Variants in CSNK1G3 observed in about 807,000 individuals in gnomAD.
CSNK1G3 encodes casein kinase 1 gamma 3.
CSNK1G3 carries 23 observed loss-of-function variants against 64.3 expected under a neutral mutation model. That is an observed-to-expected ratio of 0.36 (90% CI 0.26 to 0.51). The LOEUF (loss-of-function observed/expected upper bound fraction) is 0.51, where lower values mean the gene tolerates loss of function less well. Among genes scored for constraint, CSNK1G3 ranks in the 20% least tolerant of loss-of-function variants. The probability of loss-of-function intolerance (pLI) is 0.96; values close to 1 mark genes in which losing one functional copy is unlikely to be tolerated. For synonymous variants in CSNK1G3, 158 were observed against 162.2 expected, an observed-to-expected ratio of 0.97 and a Z score of 0.20; for missense variants, 357 against 510.5, an observed-to-expected ratio of 0.70 and a Z score of 2.90.
At position 123,548,459 on chromosome 5, in the gene CSNK1G3, C is replaced by CAAA. The variant is rs58778870; in HGVS notation, c.178+2635_178+2637dup. Among the ~76,000 whole-genome samples the CAAA allele has an allele frequency of 3.7e-3, 292 of 79,220 alleles. 6 individuals carry two copies. The highest frequency in any genetic ancestry group is 0.013 in the African/African-American group (281 of 21,872). The allele number at this position is 79,220 out of a possible 152,430, so 52.0% of individuals were successfully genotyped here. ...TGGGTGACAGAGTAAGACTCTGTCT[C>CAAA]AAAAAAAAAAAAAAAAAAAGGCCAT... On this transcript the variant is annotated intron_variant, in intron 2 of 12. Transcript: ENST00000345990.
At chr5:123,583,956 G>A (rs1382462422) in intron 6 of CSNK1G3, among the ~76,000 whole-genome samples, 2 of 152,040 alleles carry the variant, frequency 1.3e-5, no homozygotes. Flanking sequence ...CCTCCCAAAA[G>A]TGCTGAGATT....
At chr5:123,573,040 G>A (rs758463665) in intron 4 of CSNK1G3, among the ~76,000 whole-genome samples, 1 of 152,188 alleles carries the variant, frequency 6.6e-6, no homozygotes, top group Non-Finnish European at 1.5e-5. Context: ...TCTCTTTTCA[G>A]TAGAACTGGA....
At chr5:123,546,316 G>A (rs1371545471) in intron 2 of CSNK1G3, among the ~76,000 whole-genome samples, 1 of 152,016 alleles carries the variant, frequency 6.6e-6, no homozygotes, top group African/African-American at 2.4e-5. Context: ...TCTGCCCCAA[G>A]TATGTTTGGG....
chr5:123,579,291 G>T (rs1263133750), intron 6 of CSNK1G3, among the ~76,000 whole-genome samples: 1 of 142,182 alleles, frequency 7.0e-6, no homozygotes, highest in African/African-American at 2.6e-5. Flanking sequence ...TAAATTTGCT[G>T]TTTTTTTTTT....
At chr5:123,571,656 A>G (rs1788135381) in intron 4 of CSNK1G3, among the ~76,000 whole-genome samples, 1 of 152,194 alleles carries the variant, frequency 6.6e-6, no homozygotes, top group African/African-American at 2.4e-5. Flanking sequence ...CTGTCCTGCA[A>G]TGATTTATAT....
At chr5:123,545,239 G>GT (rs1782332564) in intron 1 of CSNK1G3, among the ~76,000 whole-genome samples, 178 bp from the exon 2 acceptor site, 1 of 151,948 alleles carries the variant, frequency 6.6e-6, no homozygotes, top group East Asian at 1.9e-4. Flanking sequence ...TCGTATCTTT[G>GT]TTATTAAGGT....
intron 1 of CSNK1G3, among the ~76,000 whole-genome samples, chr5:123,520,682 A>G (rs1777945414): frequency 6.6e-6 from 1 of 152,006 alleles, no homozygotes; most frequent in Admixed American, 6.5e-5. Context: ...AATTGGCCAT[A>G]TAATATCTTT....
chr5:123,538,674 TACCTGTGTAACAA>T (rs1212684128), intron 1 of CSNK1G3, among the ~76,000 whole-genome samples: 1 of 152,228 alleles, frequency 6.6e-6, no homozygotes, highest in African/African-American at 2.4e-5. Flanking sequence ...GGCGCATGTA[TACCTGTGTAACAA>T]ACCTGCACGT....
At chr5:123,607,247 A>T (rs1795515774) in intron 12 of CSNK1G3, among the ~76,000 whole-genome samples, 2 of 152,112 alleles carry the variant, frequency 1.3e-5, no homozygotes, top group Admixed American at 1.3e-4. Flanking sequence ...TTCCATTCTG[A>T]ACTTTATATA....
At chr5:123,600,234 T>C (rs973798734) in intron 10 of CSNK1G3, among the ~76,000 whole-genome samples, 1 of 152,176 alleles carries the variant, frequency 6.6e-6, no homozygotes, top group African/African-American at 2.4e-5. Context: ...TTCTAATACA[T>C]TATTAGATGA....
At chr5:123,519,879 G>C (rs976616999) in intron 1 of CSNK1G3, among the ~76,000 whole-genome samples, 1 of 152,154 alleles carries the variant, frequency 6.6e-6, no homozygotes, top group Non-Finnish European at 1.5e-5. Flanking sequence ...GAATTAGGAG[G>C]CCATAATAAT....
intron 11 of CSNK1G3, among the ~76,000 whole-genome samples, chr5:123,605,109 A>C (rs1022395787): frequency 6.6e-6 from 1 of 152,128 alleles, no homozygotes. Context: ...GTGTTGATGC[A>C]TGAAAGTTAT....
At chr5:123,521,831 G>C (rs146249015) in intron 1 of CSNK1G3, among the ~76,000 whole-genome samples, 1 of 151,874 alleles carries the variant, frequency 6.6e-6, no homozygotes, top group Admixed American at 6.6e-5. Flanking sequence ...TTCTTGGCCC[G>C]AGTTCATATT....
At chr5:123,572,400 T>C (rs1457252897) in intron 4 of CSNK1G3, among the ~76,000 whole-genome samples, 7 of 152,228 alleles carry the variant, frequency 4.6e-5, no homozygotes, top group African/African-American at 7.2e-5. Flanking sequence ...TATTTGGAGT[T>C]TGTATTATTC....
chr5:123,523,599 G>A (rs957313262), intron 1 of CSNK1G3, among the ~76,000 whole-genome samples: 3 of 152,140 alleles, frequency 2.0e-5, no homozygotes, highest in Admixed American at 6.6e-5. Context: ...ATTTAGCACC[G>A]GGTAGAGTTT....
At chr5:123,566,730 T>C (rs1323692703) in intron 4 of CSNK1G3, among the ~76,000 whole-genome samples, 1 of 152,226 alleles carries the variant, frequency 6.6e-6, no homozygotes, top group Non-Finnish European at 1.5e-5. Flanking sequence ...AATTATAGTT[T>C]GGTGTAAATA....
Position 123,588,168 on chromosome 5 carries a change from G to T in CSNK1G3, c.759+15G>T. 1 of 1,539,100 alleles carries T rather than the reference G, an allele frequency of 6.5e-7. No individual in the cohort carries two copies. The highest frequency in any genetic ancestry group is 9.0e-7 in the Non-Finnish European group (1 of 1,114,634). On this transcript the variant is annotated intron_variant, in intron 7 of 12. Transcript: ENST00000345990. ...AAGGCTTAAAGGTAATTGTTTTTGT[G>T]TTTCTTTATTGAATTTCATAAAATA...
chr5:123,574,861 G>T (rs1055324315), intron 5 of CSNK1G3, among the ~76,000 whole-genome samples: 6 of 151,984 alleles, frequency 3.9e-5, no homozygotes, highest in African/African-American at 1.4e-4. Context: ...CCAACCAACT[G>T]CCCCCAAACA....
At chr5:123,548,694 C>T (rs6888098) in intron 2 of CSNK1G3, among the ~76,000 whole-genome samples, 1 of 150,724 alleles carries the variant, frequency 6.6e-6, no homozygotes, top group Non-Finnish European at 1.5e-5. Context: ...TAGCTTGATT[C>T]TAAGAGGTTG....
Sources: allele counts gnomAD v4.1 joint callset (sites outside exome capture counted in the v4.1 genomes callset), GRCh38; gene constraint gnomAD v4.1.1; transcripts MANE v1.5; gene names NCBI Gene and HGNC (gene_info 2026-07-23, HGNC 2026-07-21).